Variants in PACRG observed in about 807,000 individuals in gnomAD.
PACRG encodes parkin coregulated, also known as parkin coregulated gene protein.
PACRG carries 29 observed loss-of-function variants against 29.7 expected under a neutral mutation model. The ratio of observed to expected loss-of-function variants is 0.98; its 90% CI spans 0.73 to 1.33. The LOEUF (loss-of-function observed/expected upper bound fraction) is 1.33. PACRG is among the 40% of genes most tolerant of loss of function. PACRG has a pLI of 0.00. For synonymous variants in PACRG, 116 were observed against 118.7 expected, an observed-to-expected ratio of 0.98 and a Z score of 0.15; for missense variants, 279 against 316.2, an observed-to-expected ratio of 0.88 and a Z score of 0.89.
chr6:163,196,975 G>A (rs61170720), intron 4 of PACRG, among the ~76,000 whole-genome samples: 5,577 of 148,218 alleles, frequency 0.038, 316 homozygotes, highest in African/African-American at 0.13. Context: ...AGATAGAGGC[G>A]GACAGACAGC....
intron 2 of PACRG, among the ~76,000 whole-genome samples, chr6:162,834,657 C>A (rs573959916): frequency 6.6e-6 from 1 of 151,482 alleles, no homozygotes; most frequent in East Asian, 1.9e-4. Context: ...GATCACTGGC[C>A]TCTCTCTATA....
At chr6:163,136,573 A>C (rs1038498255) in intron 4 of PACRG, among the ~76,000 whole-genome samples, 2 of 152,212 alleles carry the variant, frequency 1.3e-5, no homozygotes, top group Non-Finnish European at 2.9e-5. Flanking sequence ...TTTTCCATAA[A>C]GATTTGCACA....
intron 2 of PACRG, among the ~76,000 whole-genome samples, chr6:162,909,315 G>A (rs1419746781): frequency 1.3e-5 from 2 of 152,014 alleles, no homozygotes; most frequent in East Asian, 1.9e-4. Context: ...CAGCACTTTG[G>A]GAGGCCGACG....
intron 4 of PACRG, among the ~76,000 whole-genome samples, chr6:163,090,105 G>A (rs943030104): frequency 6.6e-6 from 1 of 152,002 alleles, no homozygotes. Flanking sequence ...CCTGATAGTG[G>A]TATCAATAAG....
intron 2 of PACRG, among the ~76,000 whole-genome samples, chr6:162,829,645 A>T (rs781644371): frequency 5.9e-5 from 9 of 152,148 alleles, no homozygotes; most frequent in Non-Finnish European, 1.3e-4. Context: ...TGAAAAATTC[A>T]TATTACCTAG....
chr6:163,111,924 C>G (rs1815738071), intron 4 of PACRG: 2 of 313,266 alleles, frequency 6.4e-6, no homozygotes, highest in African/African-American at 2.3e-5. Flanking sequence ...CTGAGGGGCA[C>G]TCATTTTAAG....
intron 2 of PACRG, among the ~76,000 whole-genome samples, chr6:163,025,398 C>G (rs1807031580): frequency 6.6e-6 from 1 of 152,156 alleles, no homozygotes; most frequent in Non-Finnish European, 1.5e-5. Context: ...TTTCAGGATG[C>G]AAACCCAATG....
At position 162,907,467 on chromosome 6, in the gene PACRG, G is replaced by A. The variant is rs1369307137; in HGVS notation, c.291+93186G>A. 3.3e-5 allele frequency among the ~76,000 whole-genome samples: 5 copies of A among 152,212 alleles called. No homozygotes were observed. The East Asian group carries it at 9.7e-4, about 29-fold the overall frequency. On this transcript the variant is annotated intron_variant, in intron 2 of 4. Transcript: ENST00000366888. ...ATCATTTGAAAAGACTTCTGGGTAA[G>A]GGGAAGGGAAGAGAGTAGAAAAATG... is the stretch of plus-strand genomic sequence containing the variant.
chr6:163,143,228 A>G (rs899906986), intron 4 of PACRG, among the ~76,000 whole-genome samples: 1 of 152,122 alleles, frequency 6.6e-6, no homozygotes, highest in African/African-American at 2.4e-5. Flanking sequence ...AAAGTTTATA[A>G]AAAAATAAAA....
At chr6:163,219,689 A>C (rs148796851) in intron 4 of PACRG, among the ~76,000 whole-genome samples, 5 of 134,754 alleles carry the variant, frequency 3.7e-5, no homozygotes, top group South Asian at 2.6e-4. Context: ...CTCAGCCTGA[A>C]TTTCCCACCT....
At chr6:162,818,387 G>C (rs934024539) in intron 2 of PACRG, among the ~76,000 whole-genome samples, 2 of 152,094 alleles carry the variant, frequency 1.3e-5, no homozygotes, top group East Asian at 3.9e-4. Flanking sequence ...GATGGTGATC[G>C]GGGTGGGGAC....
chr6:163,062,423 G>C, intron 3 of PACRG, 102 bp downstream of exon 3: 1 of 1,302,898 alleles, frequency 7.7e-7, no homozygotes, highest in Middle Eastern at 2.0e-4. Context: ...GTGATCCCCA[G>C]TTTTGCAGGA....
intron 1 of PACRG, among the ~76,000 whole-genome samples, chr6:162,806,881 T>A (rs561198866): frequency 1.3e-5 from 2 of 152,318 alleles, no homozygotes; most frequent in East Asian, 3.9e-4. Flanking sequence ...CAGCCCAGTG[T>A]CCTCTTCCAA....
rs1409933748 is a variant in PACRG at position 163,269,867 on chromosome 6, GAGAAAGAAAGAAAGAAAGAAAGAAAACAA to G, written c.614-44934_614-44906del. Among the ~76,000 whole-genome samples the G allele has an allele frequency of 3.3e-3, 188 of 56,750 alleles. 31 individuals are homozygous for G. Among genetic ancestry groups the G allele is most frequent in the African/African-American group, 0.014 (168 of 12,128 alleles). 37.2% of individuals were successfully genotyped at this position (56,750 alleles called of 152,430 possible). ...AAAGAAAGAAAGAAAGAGAAAGAAA[GAGAAAGAAAGAAAGAAAGAAAGAAAACAA>G]AGAAAGAAAGAAAGAAAGAAAGAAA... On this transcript the variant is annotated intron_variant, in intron 4 of 4. Transcript: ENST00000366888.
At chr6:163,080,377 C>T (rs1175608903) in intron 3 of PACRG, among the ~76,000 whole-genome samples, 1 of 152,094 alleles carries the variant, frequency 6.6e-6, no homozygotes, top group Non-Finnish European at 1.5e-5. Flanking sequence ...ACCTGCCCCG[C>T]CTCTGACAGT....
At chr6:162,807,387 CTTAA>C (rs1280496366) in intron 1 of PACRG, among the ~76,000 whole-genome samples, 1 of 152,134 alleles carries the variant, frequency 6.6e-6, no homozygotes, top group African/African-American at 2.4e-5. Flanking sequence ...CTTCACTGAG[CTTAA>C]TTATTTCTAG....
At chr6:162,781,372 G>GTTCT (rs1453520106) in intron 1 of PACRG, among the ~76,000 whole-genome samples, 1 of 151,906 alleles carries the variant, frequency 6.6e-6, no homozygotes, top group Non-Finnish European at 1.5e-5. Context: ...CTAAAGAAAT[G>GTTCT]TTAAAAGAAG....
intron 2 of PACRG, among the ~76,000 whole-genome samples, chr6:162,951,269 T>C (rs1456346331): frequency 2.0e-5 from 3 of 152,210 alleles, no homozygotes; most frequent in African/African-American, 7.2e-5. Context: ...TTCTATCAAG[T>C]CTATTTATGC....
intron 1 of PACRG, among the ~76,000 whole-genome samples, chr6:162,788,453 A>G (rs889024410): frequency 3.9e-5 from 6 of 152,210 alleles, no homozygotes; most frequent in African/African-American, 1.2e-4. Context: ...TTTGGGAATT[A>G]TGAATGAAGA....
Sources: gnomAD v4.1 joint callset for allele counts (sites outside exome capture counted in the v4.1 genomes callset) on GRCh38, gnomAD v4.1.1 for gene constraint, MANE v1.5 for transcripts, NCBI Gene and HGNC (gene_info 2026-07-23, HGNC 2026-07-21) for gene names.